Variants in ANGPTL2 observed in about 807,000 individuals in gnomAD.
ANGPTL2 encodes angiopoietin-related protein 2.
Under a neutral mutation model 52.8 loss-of-function variants are expected in ANGPTL2, and 25 were observed. The ratio of observed to expected loss-of-function variants is 0.47; its 90% CI spans 0.35 to 0.66. The LOEUF is 0.66. Ranked by LOEUF, ANGPTL2 falls within the 30% of genes least tolerant of loss-of-function variation. The probability of loss-of-function intolerance (pLI) is 0.01; values close to 1 mark genes in which losing one functional copy is unlikely to be tolerated. For missense variants in ANGPTL2, 546 were observed against 656.9 expected (o/e 0.83, Z 1.84); for synonymous variants, 276 against 277.4 (o/e 1.00, Z 0.05).
intron 1 of ANGPTL2, among the ~76,000 whole-genome samples, chr9:127,117,120 C>T (rs115183984): frequency 0.018 from 2,728 of 152,336 alleles, 80 homozygotes; most frequent in African/African-American, 0.062. Context: ...CTTCCTGCCT[C>T]GAGTACCTTC....
At position 127,108,110 on chromosome 9, in the gene ANGPTL2, G is replaced by T. The variant is rs1330947252; in HGVS notation, c.622C>A (p.Pro208Thr). The change falls in exon 2 of 5, where the codon CCC becomes ACC. Residue 208 changes from proline (P) to threonine (T), a missense_variant. Around this residue, in one of 2 missense-constraint regions of ANGPTL2, gnomAD observed 285 missense variants for 295.8 expected, o/e 0.96. Coordinates refer to ENST00000373425, the MANE Select transcript of ANGPTL2 (RefSeq NM_012098.3). Reference sequence around the variant, plus strand: ...GGCTGGGGGACGGGCCTGGCCGAGGGCACCCTCTGGCAGTGCTCCTCAAGC... The same window carrying T: ...GGCTGGGGGACGGGCCTGGCCGAGGTCACCCTCTGGCAGTGCTCCTCAAGC... Reference protein sequence around the residue: ...AQLEEHCQRVPSARPVPQPPP... With the variant: ...AQLEEHCQRVTSARPVPQPPP... 7 of 1,612,946 alleles carry T rather than the reference G, an allele frequency of 4.3e-6. No individual in the cohort carries two copies. Among genetic ancestry groups the T allele is most frequent in the Non-Finnish European group, 5.9e-6 (7 of 1,179,362 alleles).
At chr9:127,097,121 AT>A (rs1197095688) in intron 2 of ANGPTL2, among the ~76,000 whole-genome samples, 1 of 152,270 alleles carries the variant, frequency 6.6e-6, no homozygotes, top group African/African-American at 2.4e-5. Flanking sequence ...AGCGAAAAAA[AT>A]AAAACATAAA....
chr9:127,095,539 C>T (rs1450217604), intron 2 of ANGPTL2, among the ~76,000 whole-genome samples: 1 of 152,224 alleles, frequency 6.6e-6, no homozygotes, highest in Non-Finnish European at 1.5e-5. Context: ...TCTGCAGATG[C>T]GGTGCTGGGC....
At chr9:127,089,186 A>G (rs2052147631) in intron 4 of ANGPTL2, 48 bp from the exon 5 acceptor site, 1 of 1,598,192 alleles carries the variant, frequency 6.3e-7, no homozygotes, top group Admixed American at 1.7e-5. Flanking sequence ...AGGCCATTCT[A>G]CTTGCGTCCA....
chr9:127,110,016 C>T (rs1354706194), intron 1 of ANGPTL2, among the ~76,000 whole-genome samples: 1 of 152,228 alleles, frequency 6.6e-6, no homozygotes. Context: ...TTCCTATAAT[C>T]ATACGGTTTT....
intron 1 of ANGPTL2, among the ~76,000 whole-genome samples, chr9:127,110,485 T>C (rs182045321): frequency 7.2e-5 from 11 of 152,282 alleles, no homozygotes; most frequent in Admixed American, 7.2e-4. Flanking sequence ...CATCCAGAGG[T>C]CACGTTGGTG....
chr9:127,091,555 C>G lies in ANGPTL2; in HGVS notation c.1282+115G>C, dbSNP rs1008664024. On this transcript the variant is annotated intron_variant, in intron 4 of 4. Transcript: ENST00000373425. The surrounding 1 kb of genome is among the most constrained non-coding windows in gnomAD (Gnocchi z 4.3). Reference sequence around the variant, plus strand: ...TGGTAACAGGGTCAGGCAGCTTGGCCCAGCTGCTTCTCACCCTGGGATCTT... The same window carrying G: ...TGGTAACAGGGTCAGGCAGCTTGGCGCAGCTGCTTCTCACCCTGGGATCTT... 1 of 1,427,328 alleles carries G rather than the reference C, an allele frequency of 7.0e-7. No homozygotes were observed. Among genetic ancestry groups the G allele is most frequent in the African/African-American group, 1.4e-5 (1 of 70,242 alleles). The allele number at this position is 1,427,328 out of a possible 1,614,324, so 88.4% of individuals were successfully genotyped here.
intron 2 of ANGPTL2, among the ~76,000 whole-genome samples, chr9:127,099,131 CT>C (rs1402964411): frequency 1.3e-5 from 2 of 152,212 alleles, no homozygotes. Flanking sequence ...GGCCAGCAGC[CT>C]GACAGTCCTT....
rs2052411914 is a variant in ANGPTL2, at chr9:127,091,084, A to G, written c.1282+586T>C. Among the ~76,000 whole-genome samples, 1 of 152,252 alleles carries G rather than the reference A, an allele frequency of 6.6e-6. No homozygotes were observed. Among genetic ancestry groups the G allele is most frequent in the African/African-American group, 2.4e-5 (1 of 41,472 alleles). Reference sequence around the variant, plus strand: ...AGCATTACATGCAGTAACAGTGACCATGAAGAAAGCCAGTTTGTATGGAGC... The same window carrying G: ...AGCATTACATGCAGTAACAGTGACCGTGAAGAAAGCCAGTTTGTATGGAGC... On this transcript the variant is annotated intron_variant, in intron 4 of 4. Transcript: ENST00000373425. This position sits in a 1 kb window ranked among gnomAD's most constrained non-coding sequence, Gnocchi z 4.3.
At chr9:127,109,151 C>T (rs962097632) in intron 1 of ANGPTL2, among the ~76,000 whole-genome samples, 1 of 152,222 alleles carries the variant, frequency 6.6e-6, no homozygotes, top group Non-Finnish European at 1.5e-5. Flanking sequence ...GGAGGGTTTT[C>T]TGGTCTCTCT....
At chr9:127,093,243 G>C (rs2052692865) in intron 3 of ANGPTL2, among the ~76,000 whole-genome samples, 1 of 152,168 alleles carries the variant, frequency 6.6e-6, no homozygotes, top group South Asian at 2.1e-4. Context: ...GGGAACCAGG[G>C]AGCCCAGAGG....
At chr9:127,090,936 CTT>C (rs1406721650) in intron 4 of ANGPTL2, among the ~76,000 whole-genome samples, 2 of 152,154 alleles carry the variant, frequency 1.3e-5, no homozygotes, top group Non-Finnish European at 2.9e-5. Flanking sequence ...GTTTTTTTCT[CTT>C]GTTTTTTGTT....
At chr9:127,108,961 A>G (rs940682627) in intron 1 of ANGPTL2, among the ~76,000 whole-genome samples, 181 bp from the exon 2 acceptor site, 2 of 152,228 alleles carry the variant, frequency 1.3e-5, no homozygotes, top group Non-Finnish European at 2.9e-5. Context: ...AAGAGGAGAC[A>G]GGCAAGCCCC....
At chr9:127,100,528 GTC>G (rs1455502324) in intron 2 of ANGPTL2, among the ~76,000 whole-genome samples, 1 of 152,206 alleles carries the variant, frequency 6.6e-6, no homozygotes, top group African/African-American at 2.4e-5. Context: ...GGCTTTAGTG[GTC>G]TCACTGTGTA....
intron 1 of ANGPTL2, among the ~76,000 whole-genome samples, chr9:127,117,313 A>G (rs1036175409): frequency 1.3e-5 from 2 of 152,172 alleles, no homozygotes; most frequent in African/African-American, 2.4e-5. Context: ...CAGCTTCTTT[A>G]AAAAGCAGGG....
chr9:127,089,476 G>A (rs2052189092), intron 4 of ANGPTL2, among the ~76,000 whole-genome samples: 1 of 152,208 alleles, frequency 6.6e-6, no homozygotes, highest in Non-Finnish European at 1.5e-5. Flanking sequence ...GCCCAGGGCT[G>A]GGTGCAAAGG....
chr9:127,094,979 C>T (rs969338981), intron 2 of ANGPTL2, among the ~76,000 whole-genome samples: 2 of 152,208 alleles, frequency 1.3e-5, no homozygotes, highest in African/African-American at 2.4e-5. Flanking sequence ...CTTGAGTCAC[C>T]AAGGGTCTGG....
At chr9:127,115,462 C>T (rs1045906370) in intron 1 of ANGPTL2, among the ~76,000 whole-genome samples, 1 of 152,160 alleles carries the variant, frequency 6.6e-6, no homozygotes, top group Non-Finnish European at 1.5e-5. Flanking sequence ...GACTGAGCAA[C>T]AAACTATATG....
intron 2 of ANGPTL2, among the ~76,000 whole-genome samples, chr9:127,104,461 C>T (rs910354567): frequency 2.6e-5 from 4 of 152,208 alleles, no homozygotes; most frequent in Admixed American, 2.6e-4. Flanking sequence ...ATAGGTGGGG[C>T]AGAGGACCAC....
Sources: allele counts gnomAD v4.1 joint callset (sites outside exome capture counted in the v4.1 genomes callset), GRCh38; gene constraint gnomAD v4.1.1; regional missense constraint gnomAD v4.1.1; non-coding constraint Gnocchi (gnomAD v3.1); transcripts MANE v1.5; gene names NCBI Gene and HGNC (gene_info 2026-07-23, HGNC 2026-07-21).